CREB5: variants seen among roughly 807,000 people sequenced by gnomAD.
CREB5 encodes cyclic AMP-responsive element-binding protein 5.
Under a neutral mutation model 57.1 loss-of-function variants are expected in CREB5, and 19 were observed. The ratio of observed to expected loss-of-function variants is 0.33; its 90% CI spans 0.23 to 0.49. The LOEUF (loss-of-function observed/expected upper bound fraction) is 0.49, where lower values mean the gene tolerates loss of function less well. Ranked by LOEUF, CREB5 falls within the 20% of genes least tolerant of loss-of-function variation. CREB5 has a pLI of 0.99. For missense variants in CREB5, 579 were observed against 671.6 expected, an observed-to-expected ratio of 0.86 and a Z score of 1.52; for synonymous variants, 238 against 238.3, an observed-to-expected ratio of 1.00 and a Z score of 0.01.
intron 1 of CREB5, among the ~76,000 whole-genome samples, chr7:28,364,486 G>T (rs1334362304): frequency 1.3e-5 from 2 of 152,166 alleles, no homozygotes; most frequent in African/African-American, 4.8e-5. Flanking sequence ...AGAATGCACT[G>T]AGAGTGCATC....
At chr7:28,629,536 G>T (rs1356453523) in intron 5 of CREB5, among the ~76,000 whole-genome samples, 1 of 152,160 alleles carries the variant, frequency 6.6e-6, no homozygotes, top group Non-Finnish European at 1.5e-5. Context: ...TTAAAAGATA[G>T]CAGGGACAGT....
chr7:28,705,378 AAAAG>A (rs1401959245), intron 5 of CREB5, among the ~76,000 whole-genome samples: 1 of 37,124 alleles, frequency 2.7e-5, no homozygotes, highest in East Asian at 2.7e-4. Flanking sequence ...AAAAAAAAAA[AAAAG>A]AAAGAAAGAA....
intron 1 of CREB5, among the ~76,000 whole-genome samples, chr7:28,327,774 G>T (rs1785635659): frequency 6.6e-6 from 1 of 151,956 alleles, no homozygotes; most frequent in African/African-American, 2.4e-5. Flanking sequence ...AATAATTTTT[G>T]TACCTCCCCC....
chr7:28,551,953 CTT>C (rs201207172), intron 4 of CREB5, among the ~76,000 whole-genome samples: 3 of 99,136 alleles, frequency 3.0e-5, no homozygotes, highest in African/African-American at 1.4e-4. Context: ...CTTTTTTATT[CTT>C]TCTCTTTTTT....
At chr7:28,338,872 AT>A (rs1268099962) in intron 1 of CREB5, among the ~76,000 whole-genome samples, 2 of 151,462 alleles carry the variant, frequency 1.3e-5, no homozygotes, top group Non-Finnish European at 2.9e-5. Context: ...AAGCTCACTA[AT>A]TTTTTCTTCT....
At chr7:28,685,585 A>G (rs570620564) in intron 5 of CREB5, among the ~76,000 whole-genome samples, 8 of 151,356 alleles carry the variant, frequency 5.3e-5, no homozygotes, top group African/African-American at 1.9e-4. Flanking sequence ...AGACCTTCCA[A>G]CCTGCCATCT....
At chr7:28,484,657 A>G (rs1471474654) in intron 1 of CREB5, among the ~76,000 whole-genome samples, 1 of 152,230 alleles carries the variant, frequency 6.6e-6, no homozygotes, top group Non-Finnish European at 1.5e-5. Flanking sequence ...GATCCGTGGC[A>G]TGTAATACAT....
intron 4 of CREB5, among the ~76,000 whole-genome samples, chr7:28,531,365 G>C (rs552134238): frequency 2.0e-5 from 3 of 152,084 alleles, no homozygotes; most frequent in African/African-American, 7.2e-5. Flanking sequence ...TCCTGGCTTC[G>C]AGTGTTTTGC....
chr7:28,486,677 T>TATATATATTTATAA (rs1379366359), intron 1 of CREB5, among the ~76,000 whole-genome samples: 2,851 of 131,242 alleles, frequency 0.022, 295 homozygotes, highest in African/African-American at 0.075. Context: ...ATTTTATATA[T>TATATATATTTATAA]ATATATATAT....
At chr7:28,481,609 G>C (rs757597841) in intron 1 of CREB5, among the ~76,000 whole-genome samples, 3 of 152,130 alleles carry the variant, frequency 2.0e-5, no homozygotes, top group Non-Finnish European at 4.4e-5. Flanking sequence ...GGGTTAAAAA[G>C]GTCACACAGC....
chr7:28,348,118 T>A (rs1786104675), intron 1 of CREB5, among the ~76,000 whole-genome samples: 1 of 152,082 alleles, frequency 6.6e-6, no homozygotes, highest in Non-Finnish European at 1.5e-5. Flanking sequence ...AGCCGAACAC[T>A]CTCACTGGTC....
chr7:28,382,137 C>T (rs77103237), intron 1 of CREB5, among the ~76,000 whole-genome samples: 9 of 152,116 alleles, frequency 5.9e-5, no homozygotes, highest in Admixed American at 3.9e-4. Flanking sequence ...GTTCTGACAT[C>T]CAAGAGCAGA....
At chr7:28,518,415 C>T (rs1176436927) in intron 4 of CREB5, among the ~76,000 whole-genome samples, 1 of 152,196 alleles carries the variant, frequency 6.6e-6, no homozygotes, top group Non-Finnish European at 1.5e-5. Flanking sequence ...TCAAAGAAGT[C>T]GTCCCCTTCC....
At chr7:28,310,280 C>T (rs1029907949) in intron 1 of CREB5, among the ~76,000 whole-genome samples, 3 of 152,250 alleles carry the variant, frequency 2.0e-5, no homozygotes, top group African/African-American at 7.2e-5. Flanking sequence ...GTTCATTTGG[C>T]CTTTGACCAG....
In CREB5 at chr7:28,412,553, AG is replaced by A. The variant is rs927219378; in HGVS notation, c.-359del. ...ATTTACAACAAAGTTGATTCTGTGT[AG>A]GGTTGGAGGCTAGACAGTTCCACAA... On this transcript the variant is annotated 5_prime_UTR_variant, in exon 1 of 11. Transcript: ENST00000357727. 14 of 193,336 alleles carry A rather than the reference AG, an allele frequency of 7.2e-5. No homozygotes were observed. The highest frequency in any genetic ancestry group is 2.4e-4 in the Admixed American group (4 of 16,608). 12.0% of individuals were successfully genotyped at this position (193,336 alleles called of 1,614,324 possible).
At chr7:28,676,346 G>T (rs911055319) in intron 5 of CREB5, among the ~76,000 whole-genome samples, 1 of 152,174 alleles carries the variant, frequency 6.6e-6, no homozygotes, top group Non-Finnish European at 1.5e-5. Context: ...CTCCGTGGCT[G>T]CTTCTGTGGC....
chr7:28,570,624 T>G (rs1583646013), intron 5 of CREB5, 87 bp downstream of exon 5: 1 of 1,483,294 alleles, frequency 6.7e-7, no homozygotes, highest in East Asian at 2.3e-5. Flanking sequence ...GTGCTCAGAT[T>G]GGTTGGTTTT....
At chr7:28,453,432 C>T (rs996270211) in intron 1 of CREB5, among the ~76,000 whole-genome samples, 4 of 152,110 alleles carry the variant, frequency 2.6e-5, no homozygotes, top group African/African-American at 9.7e-5. Context: ...GAGCGAGACC[C>T]TGTCTCAAAA....
chr7:28,526,714 G>A (rs910684034), intron 4 of CREB5, among the ~76,000 whole-genome samples: 2 of 152,204 alleles, frequency 1.3e-5, no homozygotes, highest in African/African-American at 2.4e-5. Flanking sequence ...GACTGGCCAC[G>A]CTGAGAAGCC....
Sources: gnomAD v4.1 joint callset for allele counts (sites outside exome capture counted in the v4.1 genomes callset) on GRCh38, gnomAD v4.1.1 for gene constraint, MANE v1.5 for transcripts, NCBI Gene and HGNC (gene_info 2026-07-23, HGNC 2026-07-21) for gene names.